The following EXOC6 variants were observed in gnomAD, a reference collection of about 807,000 sequenced individuals.
EXOC6 encodes exocyst complex component 6.
In EXOC6, 60 loss-of-function variants were observed where a neutral mutation model predicts 112.5. The observed-to-expected ratio is 0.53, with a 90% CI of 0.43 to 0.66. The LOEUF is 0.66. Among genes scored for constraint, EXOC6 ranks in the 30% least tolerant of loss-of-function variants. EXOC6 has a pLI of 0.00. For synonymous variants in EXOC6, 295 were observed against 308.0 expected, an observed-to-expected ratio of 0.96 and a Z score of 0.44; for missense variants, 855 against 957.1, an observed-to-expected ratio of 0.89 and a Z score of 1.41.
chr10:92,828,069 A>T (rs1443709101), intron 1 of EXOC6, among the ~76,000 whole-genome samples: 1 of 152,084 alleles, frequency 6.6e-6, no homozygotes, highest in Non-Finnish European at 1.5e-5. Context: ...TATACAGATG[A>T]GCATTTTTTG....
chr10:92,854,589 A>G (rs1736002061), intron 1 of EXOC6, among the ~76,000 whole-genome samples: 1 of 152,192 alleles, frequency 6.6e-6, no homozygotes, highest in Admixed American at 6.5e-5. Flanking sequence ...ATTTTATCAG[A>G]TGCTTTTTTC....
At chr10:92,878,527 C>T (rs1050941579) in intron 1 of EXOC6, among the ~76,000 whole-genome samples, 3 of 152,226 alleles carry the variant, frequency 2.0e-5, no homozygotes, top group Non-Finnish European at 2.9e-5. Flanking sequence ...GAGTGATACG[C>T]GTGCCCATCT....
chr10:92,949,021 C>T (rs978220897), intron 14 of EXOC6, among the ~76,000 whole-genome samples: 3 of 152,164 alleles, frequency 2.0e-5, no homozygotes, highest in South Asian at 4.1e-4. Flanking sequence ...TGCATATATA[C>T]GTGCAAACAT....
At chr10:93,057,104 A>AC in intron 21 of EXOC6, 68 bp downstream of exon 21, 1 of 812,494 alleles carries the variant, frequency 1.2e-6, no homozygotes, top group Non-Finnish European at 1.9e-6. Context: ...AAACTGAAGA[A>AC]CTAGAGATTT....
At chr10:93,024,209 A>G (rs1258485269) in intron 20 of EXOC6, among the ~76,000 whole-genome samples, 1 of 152,220 alleles carries the variant, frequency 6.6e-6, no homozygotes, top group East Asian at 1.9e-4. Context: ...AAGTTTAGGT[A>G]GGTCAAATGA....
At chr10:92,915,729 TA>T in intron 6 of EXOC6, 28 bp from the exon 7 acceptor site, 1 of 1,470,242 alleles carries the variant, frequency 6.8e-7, no homozygotes. Flanking sequence ...AGTTTTGAAA[TA>T]ATCTGAATTT....
intron 1 of EXOC6, among the ~76,000 whole-genome samples, chr10:92,860,025 G>C (rs535940345): frequency 6.6e-6 from 1 of 152,176 alleles, no homozygotes; most frequent in South Asian, 2.1e-4. Context: ...ACATTGTGCC[G>C]AAAATGTCAA....
At chr10:92,873,555 CAT>C (rs769756390) in intron 1 of EXOC6, among the ~76,000 whole-genome samples, 48 of 152,042 alleles carry the variant, frequency 3.2e-4, no homozygotes, top group Non-Finnish European at 5.9e-4. Flanking sequence ...TTTTAAGAAA[CAT>C]ATTAAAGTAT....
intron 20 of EXOC6, among the ~76,000 whole-genome samples, chr10:93,044,783 G>A (rs538212842): frequency 1.2e-3 from 187 of 152,064 alleles, no homozygotes; most frequent in African/African-American, 4.3e-3. Flanking sequence ...GGTTTCTTTC[G>A]GTTATCCTGA....
chr10:92,975,555 G>C (rs1239893798), intron 18 of EXOC6, among the ~76,000 whole-genome samples: 1 of 145,006 alleles, frequency 6.9e-6, no homozygotes, highest in Non-Finnish European at 1.5e-5. Context: ...CGCCCCGTCC[G>C]GGACGGAGGT....
chr10:92,991,708 A>G (rs1394788706), intron 18 of EXOC6, among the ~76,000 whole-genome samples: 1 of 146,888 alleles, frequency 6.8e-6, no homozygotes, highest in Non-Finnish European at 1.5e-5. Context: ...TTCAACTTTA[A>G]GATGATCACG....
Position 92,826,999 on chromosome 10 carries a change from A to T in EXOC6, c.-27+55A>T, listed in dbSNP as rs570568726. Reference sequence around the variant, plus strand: ...TCTAGGGCAGAGGGAGAGGCAGAACATGGAGTGCTTGTAGATCATTTTAAA... The same window carrying T: ...TCTAGGGCAGAGGGAGAGGCAGAACTTGGAGTGCTTGTAGATCATTTTAAA... On this transcript the variant is annotated intron_variant, in intron 1 of 22. Coordinates refer to the EXOC6 transcript ENST00000671701. 2.6e-5 allele frequency among the ~76,000 whole-genome samples: 4 copies of T among 152,310 alleles called. No homozygotes were observed. In the South Asian group the frequency reaches 8.3e-4, roughly 32 times the overall value.
rs548166512 is a variant in EXOC6 at position 92,885,472 on chromosome 10, C to T, written c.102-7877C>T. On this transcript the variant is annotated intron_variant, in intron 1 of 21. Transcript: ENST00000260762. ...TTGGCTCACTGCAACCTCTGCTTTCCGGGTTCAAGTGATTCTCCTGCCTCA... is the reference window on the plus strand; with the variant it reads ...TTGGCTCACTGCAACCTCTGCTTTCTGGGTTCAAGTGATTCTCCTGCCTCA... Among the ~76,000 whole-genome samples, 439 of 151,860 alleles carry T rather than the reference C, an allele frequency of 2.9e-3. 2 individuals are homozygous for T. The highest frequency in any genetic ancestry group is 0.01 in the African/African-American group (418 of 41,380).
intron 17 of EXOC6, among the ~76,000 whole-genome samples, chr10:92,961,619 T>G (rs1219360705): frequency 6.6e-6 from 1 of 151,420 alleles, no homozygotes; most frequent in African/African-American, 2.4e-5. Context: ...ATAAAAACAT[T>G]TTTTCAGTTC....
intron 4 of EXOC6, among the ~76,000 whole-genome samples, chr10:92,898,700 A>C (rs1177245841): frequency 6.6e-6 from 1 of 152,162 alleles, no homozygotes; most frequent in Non-Finnish European, 1.5e-5. Flanking sequence ...AGAGATATAC[A>C]TAGGGTCCTG....
At chr10:92,904,600 A>G (rs1850344831) in intron 5 of EXOC6, among the ~76,000 whole-genome samples, 1 of 152,014 alleles carries the variant, frequency 6.6e-6, no homozygotes, top group Non-Finnish European at 1.5e-5. Context: ...CGAGGTGTCC[A>G]AGTCTTTTGA....
chr10:92,848,693 G>A, intron 1 of EXOC6, 59 bp downstream of exon 1: 1 of 1,232,890 alleles, frequency 8.1e-7, no homozygotes, highest in Non-Finnish European at 1.0e-6. Context: ...CGCTCCTCAC[G>A]AGCCGGGCGG....
At chr10:92,952,204 A>T in intron 14 of EXOC6, 69 bp from the exon 15 acceptor site, 1 of 917,556 alleles carries the variant, frequency 1.1e-6, no homozygotes, top group Non-Finnish European at 1.7e-6. Flanking sequence ...ATTTAATTTT[A>T]CATTTTTTAG....
intron 21 of EXOC6, among the ~76,000 whole-genome samples, chr10:93,057,830 G>A (rs1429813211): frequency 2.0e-5 from 3 of 151,994 alleles, no homozygotes; most frequent in Non-Finnish European, 4.4e-5. Flanking sequence ...ATGCAACTGA[G>A]GCAAAAACAT....
Sources: gnomAD v4.1 joint callset for allele counts (sites outside exome capture counted in the v4.1 genomes callset) on GRCh38, gnomAD v4.1.1 for gene constraint, MANE v1.5 for transcripts, NCBI Gene and HGNC (gene_info 2026-07-23, HGNC 2026-07-21) for gene names.